H2AC16: variants seen among roughly 807,000 people sequenced by gnomAD.
The protein encoded by H2AC16 is histone H2A type 1.
Under a neutral mutation model 6.6 loss-of-function variants are expected in H2AC16, and 11 were observed. The ratio of observed to expected loss-of-function variants is 1.67; its 90% CI spans 1.05 to 2.77. The LOEUF (loss-of-function observed/expected upper bound fraction) is 2.77, where lower values mean the gene tolerates loss of function less well. Ranked by LOEUF, H2AC16 falls within the 30% of genes most tolerant of loss-of-function variation. H2AC16 has a pLI of 0.00. For synonymous variants in H2AC16, 131 were observed against 80.8 expected (o/e 1.62, Z -3.33); for missense variants, 212 against 177.1 (o/e 1.20, Z -1.12).
rs201871635 is a variant in H2AC16, at chr6:27,865,359, C to T, written c.5C>T (p.Ser2Leu). 155 of 1,604,340 alleles carry T rather than the reference C, an allele frequency of 9.7e-5. No homozygotes were observed. The African/African-American group carries it at 1.2e-3, about 12-fold the overall frequency. The change falls in exon 1 of 1, where the codon TCG becomes TTG. Residue 2 changes from serine (S) to leucine (L), a missense_variant. Ser to Leu is a moderately radical substitution (Grantham distance 145). Coordinates refer to ENST00000613174, the MANE Select transcript of H2AC16 (RefSeq NM_003511.3). The part of the protein sequence containing the change: M[S>L]GRGKQGGKAR... ...TCCATTTATCGTTTCTTCGTCATGT[C>T]GGGACGCGGCAAGCAGGGAGGCAAA...
In H2AC16 at chr6:27,865,435, C is replaced by T. The variant is rs1210536414; in HGVS notation, c.81C>T (p.Pro27=). Residue 27 remains proline (P), a synonymous_variant, in exon 1 of 1, where the codon CCC becomes CCT. Transcript: ENST00000613174. ...CTTCTCGTGCCGGTCTCCAGTTCCCCGTGGGCCGAGTGCACCGACTGCTCC... is the reference window on the plus strand; with the variant it reads ...CTTCTCGTGCCGGTCTCCAGTTCCCTGTGGGCCGAGTGCACCGACTGCTCC... ...TRSSRAGLQF[P]VGRVHRLLRK... The T allele has an allele frequency of 1.9e-6, 3 of 1,614,014 alleles. No homozygotes were observed. Among genetic ancestry groups the T allele is most frequent in the Non-Finnish European group, 1.7e-6 (2 of 1,179,956 alleles).
chr6:27,865,789 G>A lies in H2AC16; in HGVS notation c.*42G>A. On this transcript the variant is annotated 3_prime_UTR_variant, in exon 1 of 1. Coordinates refer to ENST00000613174, the MANE Select transcript of H2AC16 (RefSeq NM_003511.3). The stretch of plus-strand genomic sequence containing the variant: ...CTTTCCAATACAACGGCTCTTTTCA[G>A]AGCCACCTACTATTTCTGCGGGAGA... 2 of 1,597,956 alleles carry A rather than the reference G, an allele frequency of 1.3e-6. No individual in the cohort carries two copies. Among genetic ancestry groups the A allele is most frequent in the Middle Eastern group, 1.7e-4 (1 of 5,976 alleles).
chr6:27,865,508 C>G lies in H2AC16; in HGVS notation c.154C>G (p.Leu52Val). Residue 52 changes from leucine to valine, a missense_variant, in exon 1 of 1, where the codon CTG becomes GTG. Transcript: ENST00000613174. Reference protein sequence around the residue: ...ERVGAGAPVYLAAVLEYLTAE... With the variant: ...ERVGAGAPVYVAAVLEYLTAE... ...GGTCGGGGCCGGCGCGCCGGTGTACCTGGCGGCGGTGCTGGAGTACCTGAC... is the reference window on the plus strand; with the variant it reads ...GGTCGGGGCCGGCGCGCCGGTGTACGTGGCGGCGGTGCTGGAGTACCTGAC... 1 of 1,614,118 alleles carries G rather than the reference C, an allele frequency of 6.2e-7. No individual in the cohort carries two copies. Among genetic ancestry groups the G allele is most frequent in the Non-Finnish European group, 8.5e-7 (1 of 1,179,994 alleles).
rs1761485082 is a variant in H2AC16, at chr6:27,865,635, T to A, written c.281T>A (p.Leu94His). The A allele has an allele frequency of 3.7e-6, 6 of 1,614,134 alleles. No individual in the cohort carries two copies. Among genetic ancestry groups the A allele is most frequent in the Non-Finnish European group, 5.1e-6 (6 of 1,180,026 alleles). ...CTGGCCATCCGCAACGACGAGGAGC[T>A]CAACAAGCTGCTGGGCAAAGTAACC... ...LQLAIRNDEE[L>H]NKLLGKVTIA... The change falls in exon 1 of 1, where the codon CTC becomes CAC. Residue 94 changes from leucine (L) to histidine (H), a missense_variant. Leu to His is a moderately conservative substitution (Grantham distance 99). Transcript: ENST00000613174.
Position 27,865,429 on chromosome 6 carries a change from GT to G in H2AC16, c.77del (p.Phe26SerfsTer34). ...KTRSSRAGLQ[F>X]PVGRVHRLLR... ...CCCGCTCTTCTCGTGCCGGTCTCCA[GT>G]TCCCCGTGGGCCGAGTGCACCGACT... On this transcript the variant is annotated frameshift_variant, in exon 1 of 1. Coordinates refer to ENST00000613174, the MANE Select transcript of H2AC16 (RefSeq NM_003511.3). LOFTEE classifies it high-confidence loss of function. The G allele has an allele frequency of 1.2e-6, 2 of 1,613,982 alleles. No individual in the cohort carries two copies. The highest frequency in any genetic ancestry group is 1.7e-6 in the Non-Finnish European group (2 of 1,179,924).
rs780542650 is a variant in H2AC16, at chr6:27,865,400, A to AT, written c.46_47insT (p.Lys16IlefsTer27). Reference sequence around the variant, plus strand: ...GGGAGGCAAAGCTCGCGCCAAAGCCAAGACCCGCTCTTCTCGTGCCGGTCT... The same window carrying AT: ...GGGAGGCAAAGCTCGCGCCAAAGCCATAGACCCGCTCTTCTCGTGCCGGTCT... On this transcript the variant is annotated frameshift_variant, in exon 1 of 1. Coordinates refer to ENST00000613174, the MANE Select transcript of H2AC16 (RefSeq NM_003511.3). LOFTEE classifies it high-confidence loss of function. 1 of 1,613,206 alleles carries AT rather than the reference A, an allele frequency of 6.2e-7. No individual in the cohort carries two copies. Among genetic ancestry groups the AT allele is most frequent in the East Asian group, 2.2e-5 (1 of 44,850 alleles).
At position 27,865,760 on chromosome 6, in the gene H2AC16, A is replaced by C; in HGVS notation, c.*13A>C. 2 of 1,611,368 alleles carry C rather than the reference A, an allele frequency of 1.2e-6. No homozygotes were observed. The highest frequency in any genetic ancestry group is 2.7e-5 in the African/African-American group (2 of 74,922). On this transcript the variant is annotated 3_prime_UTR_variant, in exon 1 of 1. Coordinates refer to ENST00000613174, the MANE Select transcript of H2AC16 (RefSeq NM_003511.3). ...CAAAGGCAAATAATGTCTCCATAGA[A>C]TCACTTTCCAATACAACGGCTCTTT...
rs969248084 is a variant in H2AC16 at position 27,865,454 on chromosome 6, C to A, written c.100C>A (p.Leu34Met). ...GTTCCCCGTGGGCCGAGTGCACCGA[C>A]TGCTCCGCAAGGGCAACTATGCTGA... ...LQFPVGRVHR[L>M]LRKGNYAERV... The change falls in exon 1 of 1, where the codon CTG (leucine) becomes ATG (methionine). Residue 34 changes from leucine (L) to methionine (M), a missense_variant. Transcript: ENST00000613174. 1 of 1,614,056 alleles carries A rather than the reference C, an allele frequency of 6.2e-7. No homozygotes were observed. The highest frequency in any genetic ancestry group is 8.5e-7 in the Non-Finnish European group (1 of 1,179,962).
chr6:27,865,661 A>C lies in H2AC16; in HGVS notation c.307A>C (p.Ile103Leu). ...ELNKLLGKVT[I>L]AQGGVLPNIQ... ...CAACAAGCTGCTGGGCAAAGTAACC[A>C]TCGCTCAGGGTGGTGTCCTGCCCAA... Residue 103 changes from isoleucine (I) to leucine (L), a missense_variant, in exon 1 of 1, where the codon ATC becomes CTC. Ile to Leu is a conservative substitution (Grantham distance 5, BLOSUM62 2). Coordinates refer to ENST00000613174, the MANE Select transcript of H2AC16 (RefSeq NM_003511.3). The C allele has an allele frequency of 1.2e-6, 2 of 1,614,216 alleles. No homozygotes were observed. The highest frequency in any genetic ancestry group is 2.2e-5 in the South Asian group (2 of 91,084).
rs1156452614 is a variant in H2AC16, at chr6:27,865,593, T to C, written c.239T>C (p.Ile80Thr). The C allele has an allele frequency of 1.2e-5, 19 of 1,614,058 alleles. No individual in the cohort carries two copies. The highest frequency in any genetic ancestry group is 1.5e-5 in the Non-Finnish European group (18 of 1,180,040). The stretch of plus-strand genomic sequence containing the variant: ...CGCGACAACAAGAAGACCCGCATTA[T>C]CCCGCGCCACTTGCAGCTGGCCATC... ...AARDNKKTRI[I>T]PRHLQLAIRN... is the part of the protein sequence containing the mutation. Residue 80 changes from isoleucine (I) to threonine (T), a missense_variant, in exon 1 of 1, where the codon ATC becomes ACC. Ile to Thr is a moderately conservative substitution (Grantham distance 89). Transcript: ENST00000613174.
At position 27,865,714 on chromosome 6, in the gene H2AC16, G is replaced by C; in HGVS notation, c.360G>C (p.Lys120Asn). ...PNIQAVLLPK[K>N]TESHHKAKGK ...TCCAGGCTGTGCTACTGCCCAAGAAGACCGAGAGTCACCACAAGGCCAAAG... is the reference window on the plus strand; with the variant it reads ...TCCAGGCTGTGCTACTGCCCAAGAACACCGAGAGTCACCACAAGGCCAAAG... The change falls in exon 1 of 1, where the codon AAG becomes AAC. Residue 120 changes from lysine (K) to asparagine (N), a missense_variant. Transcript: ENST00000613174. The C allele has an allele frequency of 6.2e-7, 1 of 1,614,186 alleles. No individual in the cohort carries two copies.
rs1412896073 is a variant in H2AC16 at position 27,865,442 on chromosome 6, C to G, written c.88C>G (p.Arg30Gly). 1 of 1,614,000 alleles carries G rather than the reference C, an allele frequency of 6.2e-7. No homozygotes were observed. Among genetic ancestry groups the G allele is most frequent in the Non-Finnish European group, 8.5e-7 (1 of 1,179,958 alleles). Residue 30 changes from arginine (R) to glycine (G), a missense_variant, in exon 1 of 1, where the codon CGA (arginine) becomes GGA (glycine). Physicochemically the swap from Arg to Gly is moderately radical, Grantham distance 125 (BLOSUM62 -2). Coordinates refer to ENST00000613174, the MANE Select transcript of H2AC16 (RefSeq NM_003511.3). ...SRAGLQFPVG[R>G]VHRLLRKGNY... ...TGCCGGTCTCCAGTTCCCCGTGGGC[C>G]GAGTGCACCGACTGCTCCGCAAGGG... is the stretch of plus-strand genomic sequence containing the variant.
rs376667817 is a variant in H2AC16, at chr6:27,865,579, G to A, written c.225G>A (p.Lys75=). 2.4e-5 allele frequency: 38 copies of A among 1,614,116 alleles called. No individual in the cohort carries two copies. Among genetic ancestry groups the A allele is most frequent in the Non-Finnish European group, 3.1e-5 (36 of 1,180,048 alleles). The change falls in exon 1 of 1, where the codon AAG becomes AAA. Residue 75 remains lysine (K), a synonymous_variant. Transcript: ENST00000613174. ...ELAGNAARDN[K]KTRIIPRHLQ... ...CGGGCAACGCCGCCCGCGACAACAA[G>A]AAGACCCGCATTATCCCGCGCCACT...
rs765412284 is a variant in H2AC16, at chr6:27,865,354, C to T, written c.-1C>T. On this transcript the variant is annotated 5_prime_UTR_variant, in exon 1 of 1. Coordinates refer to ENST00000613174, the MANE Select transcript of H2AC16 (RefSeq NM_003511.3). ...GTTCCTCCATTTATCGTTTCTTCGT[C>T]ATGTCGGGACGCGGCAAGCAGGGAG... is the stretch of plus-strand genomic sequence containing the variant. 3.7e-6 allele frequency: 6 copies of T among 1,602,166 alleles called. No individual in the cohort carries two copies. The highest frequency in any genetic ancestry group is 3.4e-5 in the Admixed American group (2 of 58,816).
exon 1 of H2AC16, chr6:27,865,790 AGCCACCTACTATTTCTGCGGGAGAGCTGG>A (rs762945136): frequency 2.5e-6 from 4 of 1,596,016 alleles, no homozygotes; most frequent in African/African-American, 5.4e-5. Flanking sequence ...CTCTTTTCAG[AGCCACCTACTATTTCTGCGGGAGAGCTGG>A]GCCACTGGTT....
rs112071135 is a variant in H2AC16, at chr6:27,865,417, T to A, written c.63T>A (p.Arg21=). The part of the protein sequence containing the change: ...ARAKAKTRSS[R]AGLQFPVGRV... Reference sequence around the variant, plus strand: ...CCAAAGCCAAGACCCGCTCTTCTCGTGCCGGTCTCCAGTTCCCCGTGGGCC... The same window carrying A: ...CCAAAGCCAAGACCCGCTCTTCTCGAGCCGGTCTCCAGTTCCCCGTGGGCC... The change falls in exon 1 of 1, where the codon CGT becomes CGA. Residue 21 remains arginine, a synonymous_variant. Transcript: ENST00000613174. 5.6e-6 allele frequency: 9 copies of A among 1,613,722 alleles called. No homozygotes were observed. Among genetic ancestry groups the A allele is most frequent in the South Asian group, 2.2e-5 (2 of 91,058 alleles).
In H2AC16 at chr6:27,865,553, G is replaced by C. The variant is rs1761482192; in HGVS notation, c.199G>C (p.Ala67Pro). ...EYLTAEILEL[A>P]GNAARDNKKT... ...CCTGACTGCCGAGATCCTGGAGCTG[G>C]CGGGCAACGCCGCCCGCGACAACAA... The change falls in exon 1 of 1, where the codon GCG becomes CCG. Residue 67 changes from alanine to proline, a missense_variant. Coordinates refer to ENST00000613174, the MANE Select transcript of H2AC16 (RefSeq NM_003511.3). The C allele has an allele frequency of 6.2e-7, 1 of 1,614,112 alleles. No homozygotes were observed. The highest frequency in any genetic ancestry group is 8.5e-7 in the Non-Finnish European group (1 of 1,180,056).
In H2AC16 at chr6:27,865,489, GGCCGGCGC is replaced by G. The variant is rs770430209; in HGVS notation, c.141_148del (p.Ala48ValfsTer85). The G allele has an allele frequency of 3.1e-6, 5 of 1,613,898 alleles. No individual in the cohort carries two copies. Among genetic ancestry groups the G allele is most frequent in the African/African-American group, 2.7e-5 (2 of 74,940 alleles). On this transcript the variant is annotated frameshift_variant, in exon 1 of 1. Coordinates refer to ENST00000613174, the MANE Select transcript of H2AC16 (RefSeq NM_003511.3). LOFTEE classifies it high-confidence loss of function. The stretch of plus-strand genomic sequence containing the variant: ...AGGGCAACTATGCTGAGCGGGTCGG[GGCCGGCGC>G]GCCGGTGTACCTGGCGGCGGTGCTG...
At position 27,865,468 on chromosome 6, in the gene H2AC16, C is replaced by T. The variant is rs780435458; in HGVS notation, c.114C>T (p.Gly38=). 5 of 1,614,050 alleles carry T rather than the reference C, an allele frequency of 3.1e-6. No homozygotes were observed. The highest frequency in any genetic ancestry group is 3.4e-6 in the Non-Finnish European group (4 of 1,179,952). Residue 38 remains glycine, a synonymous_variant, in exon 1 of 1, where the codon GGC becomes GGT. Coordinates refer to ENST00000613174, the MANE Select transcript of H2AC16 (RefSeq NM_003511.3). ...GAGTGCACCGACTGCTCCGCAAGGG[C>T]AACTATGCTGAGCGGGTCGGGGCCG... ...VGRVHRLLRK[G]NYAERVGAGA...
Sources: gnomAD v4.1 joint callset for allele counts on GRCh38, gnomAD v4.1.1 for gene constraint, MANE v1.5 for transcripts, NCBI Gene and HGNC (gene_info 2026-07-23, HGNC 2026-07-21) for gene names.